The following PKHD1 variants were observed in gnomAD, a reference collection of about 807,000 sequenced individuals.
The protein encoded by PKHD1 is fibrocystin.
Under a neutral mutation model 412.0 loss-of-function variants are expected in PKHD1, and 291 were observed. That is an observed-to-expected ratio of 0.71 (90% CI 0.64 to 0.78). The LOEUF is 0.78. PKHD1 is among the 30% of genes least tolerant of loss of function. The probability of loss-of-function intolerance (pLI) is 0.00; values close to 1 mark genes in which losing one functional copy is unlikely to be tolerated. For missense variants in PKHD1, 4,825 were observed against 4,950.7 expected (o/e 0.97, Z 0.76); for synonymous variants, 1,777 against 1,821.5 (o/e 0.98, Z 0.62).
intron 13 of PKHD1, among the ~76,000 whole-genome samples, chr6:52,063,515 ACTC>A (rs1808999296): frequency 6.6e-6 from 1 of 152,210 alleles, no homozygotes; most frequent in African/African-American, 2.4e-5. Flanking sequence ...TTCCTCAACA[ACTC>A]CTAAAAGGGA....
intron 60 of PKHD1, among the ~76,000 whole-genome samples, chr6:51,662,347 C>T (rs187514774): frequency 2.6e-5 from 4 of 151,554 alleles, no homozygotes; most frequent in Non-Finnish European, 5.9e-5. Context: ...CACACACACA[C>T]GCACACACAC....
chr6:52,063,685 C>T (rs994186124), intron 13 of PKHD1, among the ~76,000 whole-genome samples: 1 of 152,204 alleles, frequency 6.6e-6, no homozygotes, highest in African/African-American at 2.4e-5. Context: ...GCCTTCCCAG[C>T]CTCAGCCCAC....
intron 35 of PKHD1, among the ~76,000 whole-genome samples, chr6:51,977,689 C>A (rs1028266091): frequency 3.9e-5 from 6 of 152,194 alleles, no homozygotes; most frequent in Non-Finnish European, 7.3e-5. Context: ...AGCTCCACTA[C>A]CTAAGCCAGA....
intron 52 of PKHD1, among the ~76,000 whole-genome samples, chr6:51,798,513 C>A (rs1794936451): frequency 6.6e-6 from 1 of 152,276 alleles, no homozygotes; most frequent in African/African-American, 2.4e-5. Context: ...TGATGGGCTT[C>A]CTTTTGTAGG....
intron 48 of PKHD1, among the ~76,000 whole-genome samples, chr6:51,859,771 A>C (rs1773900633): frequency 6.6e-6 from 1 of 152,096 alleles, no homozygotes; most frequent in African/African-American, 2.4e-5. Flanking sequence ...TTTTTCAGAT[A>C]ATCTCCCCAG....
At chr6:51,739,975 C>A in intron 60 of PKHD1, 1 of 518,828 alleles carries the variant, frequency 1.9e-6, no homozygotes, top group South Asian at 1.4e-5. Context: ...TTGGTATCTG[C>A]CTAATTCTAC....
chr6:51,674,478 A>G (rs2150523650), intron 60 of PKHD1, among the ~76,000 whole-genome samples: 1 of 152,262 alleles, frequency 6.6e-6, no homozygotes, highest in South Asian at 2.1e-4. Context: ...AAAACTTTCT[A>G]ATAGCAAGTT....
At chr6:51,919,477 C>T (rs1236915546) in intron 37 of PKHD1, among the ~76,000 whole-genome samples, 2 of 152,124 alleles carry the variant, frequency 1.3e-5, no homozygotes, top group Non-Finnish European at 2.9e-5. Flanking sequence ...TGTTCTGTTC[C>T]ATTGGTCTAT....
At chr6:52,082,133 G>A (rs1030073234) in intron 4 of PKHD1, among the ~76,000 whole-genome samples, 7 of 151,350 alleles carry the variant, frequency 4.6e-5, no homozygotes, top group Non-Finnish European at 1.0e-4. Flanking sequence ...AGAACTCTTT[G>A]CAAAAAAAAA....
chr6:51,978,583 T>C (rs989388756), intron 35 of PKHD1, among the ~76,000 whole-genome samples: 1 of 152,166 alleles, frequency 6.6e-6, no homozygotes. Flanking sequence ...GGGTTCTTTA[T>C]TTAAGATTAA....
intron 52 of PKHD1, among the ~76,000 whole-genome samples, chr6:51,809,627 T>C (rs1562361830): frequency 1.3e-5 from 2 of 152,070 alleles, no homozygotes; most frequent in African/African-American, 4.8e-5. Context: ...CTTTTCATCA[T>C]TGTGTCTTCC....
chr6:51,718,864 T>C (rs190572184), intron 60 of PKHD1, among the ~76,000 whole-genome samples: 10 of 152,330 alleles, frequency 6.6e-5, no homozygotes, highest in Non-Finnish European at 1.5e-4. Context: ...GCAATCATCA[T>C]GCGTTCAGAG....
At chr6:51,698,254 T>C (rs1779031740) in intron 60 of PKHD1, among the ~76,000 whole-genome samples, 2 of 152,204 alleles carry the variant, frequency 1.3e-5, no homozygotes, top group Admixed American at 1.3e-4. Context: ...TACAGACTCA[T>C]TGCAGAGTAG....
intron 60 of PKHD1, among the ~76,000 whole-genome samples, chr6:51,670,819 C>T (rs1774813023): frequency 6.6e-6 from 1 of 150,538 alleles, no homozygotes; most frequent in Admixed American, 6.6e-5. Flanking sequence ...CTTAGTTTGG[C>T]TGGATATGAA....
intron 46 of PKHD1, among the ~76,000 whole-genome samples, chr6:51,880,947 C>T (rs1183863867): frequency 5.5e-5 from 8 of 146,426 alleles, no homozygotes; most frequent in African/African-American, 2.0e-4. Context: ...GCCTGGGCGA[C>T]AGAGCGAGAC....
rs1403673003 is a variant in PKHD1 at position 51,903,648 on chromosome 6, T to G, written c.6945A>C (p.Glu2315Asp). The change falls in exon 43 of 67, where the codon GAA becomes GAC. Residue 2315 changes from glutamate (E) to aspartate (D), a missense_variant. By Grantham distance (45) the Glu-to-Asp change is conservative. Coordinates refer to ENST00000371117, the MANE Select transcript of PKHD1 (RefSeq NM_138694.4). ...VSGAEGLSNP[E>D]MLTPSGIYIC... ...TATAGATGCCAGATGGTGTCAACAT[T>G]TCAGGATTGGAGAGTCCCTCGGCAC... 1 of 1,611,790 alleles carries G rather than the reference T, an allele frequency of 6.2e-7. No individual in the cohort carries two copies. The highest frequency in any genetic ancestry group is 1.1e-5 in the South Asian group (1 of 91,042).
chr6:51,901,513 A>C (rs1338141789), intron 43 of PKHD1, among the ~76,000 whole-genome samples: 1 of 151,608 alleles, frequency 6.6e-6, no homozygotes, highest in Non-Finnish European at 1.5e-5. Context: ...CACTCTGGGG[A>C]CTGTTGTGGG....
At chr6:51,833,999 A>T (rs2151532523) in intron 51 of PKHD1, among the ~76,000 whole-genome samples, 1 of 152,286 alleles carries the variant, frequency 6.6e-6, no homozygotes, top group African/African-American at 2.4e-5. Flanking sequence ...TTAAGATTTT[A>T]GGTAGTCTCA....
chr6:52,053,302 C>T (rs1309682417), intron 20 of PKHD1, 51 bp from the exon 21 acceptor site: 7 of 1,587,308 alleles, frequency 4.4e-6, no homozygotes, highest in Non-Finnish European at 6.0e-6. Context: ...ACTTGCAGTC[C>T]TCTCCGGTTA....
Sources: gnomAD v4.1 joint callset for allele counts (sites outside exome capture counted in the v4.1 genomes callset) on GRCh38, gnomAD v4.1.1 for gene constraint, MANE v1.5 for transcripts, NCBI Gene and HGNC (gene_info 2026-07-23, HGNC 2026-07-21) for gene names.